MCF2L2: variants seen among roughly 807,000 people sequenced by gnomAD.
MCF2L2 encodes MCF.2 cell line derived transforming sequence-like 2.
In MCF2L2, 102 loss-of-function variants were observed where a neutral mutation model predicts 150.2. The ratio of observed to expected loss-of-function variants is 0.68; its 90% CI spans 0.58 to 0.80. The LOEUF is 0.80. MCF2L2 is among the 30% of genes least tolerant of loss of function. MCF2L2 has a pLI of 0.00. For missense variants in MCF2L2, 1,256 were observed against 1,372.8 expected, an observed-to-expected ratio of 0.91 and a Z score of 1.34; for synonymous variants, 465 against 491.3, an observed-to-expected ratio of 0.95 and a Z score of 0.71.
At chr3:183,363,253 A>C (rs1266995898) in intron 3 of MCF2L2, among the ~76,000 whole-genome samples, 4 of 152,196 alleles carry the variant, frequency 2.6e-5, no homozygotes, top group African/African-American at 9.6e-5. Flanking sequence ...AAAACTACAC[A>C]TGCTCTTACC....
chr3:183,231,512 T>A (rs1031846575), intron 15 of MCF2L2, among the ~76,000 whole-genome samples: 1 of 152,046 alleles, frequency 6.6e-6, no homozygotes, highest in African/African-American at 2.4e-5. Context: ...ATGAGTGCAG[T>A]GGCATGATCA....
chr3:183,188,239 T>C (rs1380129926), intron 27 of MCF2L2, among the ~76,000 whole-genome samples: 1 of 152,146 alleles, frequency 6.6e-6, no homozygotes, highest in African/African-American at 2.4e-5. Context: ...AAGGACCAAC[T>C]GCAGTGGCAG....
chr3:183,427,769 GC>G, intron 1 of MCF2L2, 132 bp downstream of exon 1: 1 of 760,306 alleles, frequency 1.3e-6, no homozygotes, highest in Non-Finnish European at 2.3e-6. Context: ...GAGCAGCGAG[GC>G]CCAGATGCCG....
intron 3 of MCF2L2, among the ~76,000 whole-genome samples, chr3:183,345,493 C>T (rs992472826): frequency 2.6e-5 from 4 of 152,114 alleles, no homozygotes; most frequent in Non-Finnish European, 5.9e-5. Context: ...AACACCCTAA[C>T]ATCACAATTA....
intron 1 of MCF2L2, among the ~76,000 whole-genome samples, chr3:183,425,302 C>G (rs1400992154): frequency 3.3e-5 from 5 of 152,128 alleles, no homozygotes; most frequent in African/African-American, 1.2e-4. Flanking sequence ...GCAGAAACCC[C>G]TGCTGGAGGA....
chr3:183,366,227 C>T (rs1185950182), intron 3 of MCF2L2, among the ~76,000 whole-genome samples: 2 of 152,170 alleles, frequency 1.3e-5, no homozygotes, highest in Non-Finnish European at 2.9e-5. Context: ...ATCAGTAACA[C>T]TGGATGCTAC....
Position 183,323,234 on chromosome 3 carries a change from C to G in MCF2L2, c.603+1G>C. 6.3e-7 allele frequency: 1 copy of G among 1,598,676 alleles called. No individual in the cohort carries two copies. The highest frequency in any genetic ancestry group is 8.6e-7 in the Non-Finnish European group (1 of 1,167,046). ...AAAAGCACACGTAAGCTGGTACTCACAGTGCGGTGATTTACCCACTGACCG... is the reference window on the plus strand; with the variant it reads ...AAAAGCACACGTAAGCTGGTACTCAGAGTGCGGTGATTTACCCACTGACCG... On this transcript the variant is annotated splice_donor_variant, in intron 6 of 29. Coordinates refer to ENST00000328913, the MANE Select transcript of MCF2L2 (RefSeq NM_015078.4). LOFTEE classifies it high-confidence loss of function.
chr3:183,373,902 G>A (rs4859176), intron 3 of MCF2L2: 15,010 of 151,926 alleles, frequency 0.099, 948 homozygotes, highest in African/African-American at 0.17. Context: ...AGAGTAATAC[G>A]AGATAATTGT....
chr3:183,309,345 G>C (rs1013358456), intron 10 of MCF2L2, among the ~76,000 whole-genome samples: 1 of 151,872 alleles, frequency 6.6e-6, no homozygotes, highest in African/African-American at 2.4e-5. Context: ...CCTAGTCCAG[G>C]CTCCAGGGAG....
At chr3:183,405,004 A>C (rs547767606) in intron 1 of MCF2L2, among the ~76,000 whole-genome samples, 2 of 152,222 alleles carry the variant, frequency 1.3e-5, no homozygotes, top group East Asian at 3.8e-4. Context: ...TGTAGCAAAA[A>C]ATTATAAAGC....
At chr3:183,413,185 G>A (rs1221285266) in intron 1 of MCF2L2, among the ~76,000 whole-genome samples, 1 of 152,062 alleles carries the variant, frequency 6.6e-6, no homozygotes, top group Non-Finnish European at 1.5e-5. Context: ...GAGCTGGGGT[G>A]CCAAACTCCC....
At chr3:183,275,995 G>A (rs1016714058) in intron 15 of MCF2L2, among the ~76,000 whole-genome samples, 2 of 152,306 alleles carry the variant, frequency 1.3e-5, no homozygotes, top group African/African-American at 4.8e-5. Context: ...AAGTAGGTAT[G>A]AGTTTTAGTA....
chr3:183,336,865 ATATAT>A (rs781189504), intron 5 of MCF2L2, among the ~76,000 whole-genome samples: 4 of 118,236 alleles, frequency 3.4e-5, no homozygotes, highest in African/African-American at 1.2e-4. Flanking sequence ...CAAAAAAAAA[ATATAT>A]ATATATATAT....
rs890024301 is a variant in MCF2L2 at position 183,192,666 on chromosome 3, C to T, written c.3016+333G>A. ...GAATGGCATATCATTTAAAACTCAT[C>T]GATTGTTTATTTCTGTAATTTTTCC... On this transcript the variant is annotated intron_variant, in intron 27 of 29. Coordinates refer to ENST00000328913, the MANE Select transcript of MCF2L2 (RefSeq NM_015078.4). The T allele has an allele frequency of 7.4e-5, 17 of 230,758 alleles. No homozygotes were observed. The East Asian group carries it at 1.5e-3, about 20-fold the overall frequency. The allele number at this position is 230,758 out of a possible 1,614,324, so 14.3% of individuals were successfully genotyped here.
In MCF2L2 at chr3:183,270,120, A is replaced by C. The variant is rs1203698833; in HGVS notation, c.1862+6752T>G. The C allele has an allele frequency of 6.2e-7, 1 of 1,614,230 alleles. No homozygotes were observed. The highest frequency in any genetic ancestry group is 8.5e-7 in the Non-Finnish European group (1 of 1,180,038). ...AAACTATGATCGACGTTCCGGAATT[A>C]GAAGGACGTGGGGCAATGAAAATTA... On this transcript the variant is annotated intron_variant, in intron 15 of 29. Coordinates refer to ENST00000328913, the MANE Select transcript of MCF2L2 (RefSeq NM_015078.4). This position sits in a 1 kb window ranked among gnomAD's most constrained non-coding sequence, Gnocchi z 4.5.
intron 15 of MCF2L2, among the ~76,000 whole-genome samples, chr3:183,276,307 C>T (rs1046236361): frequency 2.0e-5 from 3 of 152,176 alleles, no homozygotes; most frequent in South Asian, 2.1e-4. Context: ...TTATGATAGA[C>T]GCCATGGATA....
chr3:183,324,387 G>T (rs1026690217), intron 5 of MCF2L2, among the ~76,000 whole-genome samples: 3 of 152,156 alleles, frequency 2.0e-5, no homozygotes, highest in Admixed American at 6.5e-5. Context: ...TCCTGAGTGG[G>T]ACAAGGACTC....
At chr3:183,360,956 C>CAGAAAAGAAAAGAAAAGAAAAGGAA (rs1712102053) in intron 3 of MCF2L2, among the ~76,000 whole-genome samples, 1 of 88,396 alleles carries the variant, frequency 1.1e-5, no homozygotes, top group African/African-American at 4.4e-5. Flanking sequence ...GAGTGAAACT[C>CAGAAAAGAAAAGAAAAGAAAAGGAA]AGAAAAGAAA....
chr3:183,308,492 T>C (rs537619975), intron 10 of MCF2L2, among the ~76,000 whole-genome samples: 2 of 152,328 alleles, frequency 1.3e-5, no homozygotes, highest in African/African-American at 4.8e-5. Context: ...CATGTGTCTT[T>C]AGCACTAGTT....
Sources: gnomAD v4.1 joint callset for allele counts (sites outside exome capture counted in the v4.1 genomes callset) on GRCh38, gnomAD v4.1.1 for gene constraint, Gnocchi (gnomAD v3.1) non-coding constraint, MANE v1.5 for transcripts, NCBI Gene and HGNC (gene_info 2026-07-23, HGNC 2026-07-21) for gene names.